The following BCL11A variants were observed in gnomAD, a reference collection of about 807,000 sequenced individuals.
BCL11A encodes B cell CLL/lymphoma 11A.
BCL11A carries 2 observed loss-of-function variants against 55.9 expected under a neutral mutation model. The observed-to-expected ratio is 0.04, with a 90% confidence interval of 0.01 to 0.11. The LOEUF is 0.11. Among genes scored for constraint, BCL11A ranks in the 10% least tolerant of loss-of-function variants. The pLI is 1.00. For synonymous variants in BCL11A, 465 were observed against 473.4 expected (o/e 0.98, Z 0.23); for missense variants, 817 against 1,137.1 (o/e 0.72, Z 4.05).
intron 2 of BCL11A, among the ~76,000 whole-genome samples, chr2:60,480,074 G>C (rs1677867686): frequency 6.6e-6 from 1 of 152,180 alleles, no homozygotes; most frequent in Admixed American, 6.5e-5. Context: ...GCAAGCTGTG[G>C]ACTTCCCCGG....
intron 2 of BCL11A, among the ~76,000 whole-genome samples, chr2:60,531,583 G>A (rs1386061169): frequency 6.6e-6 from 1 of 152,174 alleles, no homozygotes; most frequent in Non-Finnish European, 1.5e-5. Context: ...ATTATTTCAT[G>A]CAAGGGGAAA....
At chr2:60,553,171 C>G in intron 1 of BCL11A, 45 bp downstream of exon 1, 1 of 1,566,704 alleles carries the variant, frequency 6.4e-7, no homozygotes, top group East Asian at 2.4e-5. Context: ...CCTGCGCGCT[C>G]TCGTGATTAT....
At chr2:60,485,014 C>T (rs1485470091) in intron 2 of BCL11A, among the ~76,000 whole-genome samples, 1 of 146,468 alleles carries the variant, frequency 6.8e-6, no homozygotes, top group Non-Finnish European at 1.5e-5. Context: ...GTATTTAAAT[C>T]AAAATAGGAA....
At position 60,551,075 on chromosome 2, in the gene BCL11A, C is replaced by T. The variant is rs972050570; in HGVS notation, c.55+2141G>A. ...TGAAAAATTAAATTCCCTGTGCGCA[C>T]CCCCCACCACCACCCCTTTAAAAAA... On this transcript the variant is annotated intron_variant, in intron 1 of 3. Coordinates refer to ENST00000642384, the MANE Select transcript of BCL11A (RefSeq NM_022893.4). 1.0e-5 allele frequency: 4 copies of T among 395,608 alleles called. No homozygotes were observed. The South Asian group carries it at 4.3e-4, about 42-fold the overall frequency. The allele number at this position is 395,608 out of a possible 1,614,324, so 24.5% of individuals were successfully genotyped here.
chr2:60,473,085 C>T (rs948067439), intron 2 of BCL11A, among the ~76,000 whole-genome samples: 1 of 148,456 alleles, frequency 6.7e-6, no homozygotes, highest in African/African-American at 2.4e-5. Flanking sequence ...TGACTGTGTG[C>T]ATGTGTGTGT....
chr2:60,545,946 G>A (rs769978223), intron 2 of BCL11A, 25 bp downstream of exon 2: 1 of 1,595,434 alleles, frequency 6.3e-7, no homozygotes, highest in Non-Finnish European at 8.6e-7. Flanking sequence ...CATGCAAACA[G>A]CTTTTCTCCT....
At chr2:60,478,373 T>G (rs947152491) in intron 2 of BCL11A, 3 of 152,392 alleles carry the variant, frequency 2.0e-5, no homozygotes, top group African/African-American at 7.2e-5. Context: ...CCCCTCCCAC[T>G]GCCACCTCAG....
intron 1 of BCL11A, among the ~76,000 whole-genome samples, chr2:60,550,225 G>A (rs1416489258): frequency 6.6e-6 from 1 of 152,148 alleles, no homozygotes; most frequent in African/African-American, 2.4e-5. Context: ...AGCGAAAACT[G>A]CACCGTGCTC....
intron 2 of BCL11A, among the ~76,000 whole-genome samples, chr2:60,471,273 A>G (rs1247927770): frequency 6.6e-6 from 1 of 152,198 alleles, no homozygotes; most frequent in Non-Finnish European, 1.5e-5. Flanking sequence ...AAACATTTCT[A>G]TCAGCCTAAG....
intron 2 of BCL11A, among the ~76,000 whole-genome samples, chr2:60,518,772 C>G (rs758665688): frequency 1.3e-5 from 2 of 152,130 alleles, no homozygotes; most frequent in Non-Finnish European, 2.9e-5. Context: ...GGGGGCCGGG[C>G]GTGGATTTTA....
intron 3 of BCL11A, among the ~76,000 whole-genome samples, chr2:60,463,287 G>A (rs1317191739): frequency 1.3e-5 from 2 of 152,244 alleles, no homozygotes; most frequent in Non-Finnish European, 2.9e-5. Context: ...GGAGTGGCTG[G>A]TGCCGACTTA....
At chr2:60,550,640 GC>G (rs1670370124) in intron 1 of BCL11A, among the ~76,000 whole-genome samples, 1 of 152,122 alleles carries the variant, frequency 6.6e-6, no homozygotes. Flanking sequence ...GAAAGAAGTG[GC>G]CCCCTCACCC....
intron 2 of BCL11A, among the ~76,000 whole-genome samples, chr2:60,530,284 C>T (rs2457660): frequency 0.58 from 85,313 of 147,938 alleles, 25,622 homozygotes; most frequent in East Asian, 0.78. Flanking sequence ...TCTCAGCCAC[C>T]GACAGCTTAA....
chr2:60,473,231 A>G (rs1677313801), intron 2 of BCL11A, among the ~76,000 whole-genome samples: 1 of 140,812 alleles, frequency 7.1e-6, no homozygotes, highest in African/African-American at 2.6e-5. Flanking sequence ...GTTTTTAGAT[A>G]ATTTCCCTGT....
At chr2:60,553,176 GATT>G in intron 1 of BCL11A, 37 bp downstream of exon 1, 1 of 1,573,884 alleles carries the variant, frequency 6.4e-7, no homozygotes, top group African/African-American at 1.4e-5. Flanking sequence ...GCGCTCTCGT[GATT>G]ATTAATAATT....
exon 5 of BCL11A, chr2:60,451,817 T>A: frequency 4.3e-6 from 1 of 230,336 alleles, no homozygotes; most frequent in Admixed American, 5.6e-5. Context: ...AAAACAGGAT[T>A]CGGCGTGCCA....
chr2:60,479,453 G>C (rs1052444785), intron 2 of BCL11A, among the ~76,000 whole-genome samples: 11 of 152,194 alleles, frequency 7.2e-5, no homozygotes, highest in Non-Finnish European at 7.3e-5. Context: ...AGCTCTCTCA[G>C]GTCTACTAGG....
intron 2 of BCL11A, chr2:60,543,385 T>C (rs556528316): frequency 2.6e-5 from 4 of 152,242 alleles, no homozygotes; most frequent in Admixed American, 6.5e-5. Context: ...CCTTTCTTTT[T>C]GTGACACAAT....
rs1410445899 is a variant in BCL11A at position 60,462,144 on chromosome 2, T to G, written c.768A>C (p.Glu256Asp). 6.4e-7 allele frequency: 1 copy of G among 1,561,980 alleles called. No individual in the cohort carries two copies. The highest frequency in any genetic ancestry group is 1.9e-5 in the Admixed American group (1 of 52,912). The change falls in exon 4 of 4, where the codon GAA becomes GAC. Residue 256 changes from glutamate to aspartate, a missense_variant. Physicochemically the swap from Glu to Asp is conservative, Grantham distance 45 (BLOSUM62 2). Transcript: ENST00000642384. ...SVSREASGLA[E>D]GRFPPTPPLF... Reference sequence around the variant, plus strand: ...GGGGGGGAGTGGGTGGAAAGCGCCCTTCTGCCAGGCCGGAAGCCTCTCTCG... The same window carrying G: ...GGGGGGGAGTGGGTGGAAAGCGCCCGTCTGCCAGGCCGGAAGCCTCTCTCG...
Sources: allele counts gnomAD v4.1 joint callset (sites outside exome capture counted in the v4.1 genomes callset), GRCh38; gene constraint gnomAD v4.1.1; transcripts MANE v1.5; gene names NCBI Gene and HGNC (gene_info 2026-07-23, HGNC 2026-07-21).